Variants in CNTN4 observed in about 807,000 individuals in gnomAD.
CNTN4 encodes contactin 4, also known as contactin-4.
In CNTN4, 77 loss-of-function variants were observed where a neutral mutation model predicts 122.5. The observed-to-expected ratio is 0.63, with a 90% CI of 0.52 to 0.76. The LOEUF is 0.76. Ranked by LOEUF, CNTN4 falls within the 30% of genes least tolerant of loss-of-function variation. The pLI is 0.00. For synonymous variants in CNTN4, 512 were observed against 447.0 expected, an observed-to-expected ratio of 1.15 and a Z score of -1.83; for missense variants, 1,256 against 1,259.1, an observed-to-expected ratio of 1.00 and a Z score of 0.04.
chr3:2,247,217 A>T (rs1176356399), intron 2 of CNTN4, among the ~76,000 whole-genome samples: 1 of 152,080 alleles, frequency 6.6e-6, no homozygotes, highest in Non-Finnish European at 1.5e-5. Context: ...TGAGCATGCC[A>T]TCTTTACCAG....
chr3:2,926,464 C>T (rs528755671), intron 13 of CNTN4, among the ~76,000 whole-genome samples: 1 of 152,168 alleles, frequency 6.6e-6, no homozygotes, highest in African/African-American at 2.4e-5. Flanking sequence ...TCTCTAAGAC[C>T]TTTTCTTGGC....
chr3:2,884,962 G>T (rs2093954023), intron 9 of CNTN4, among the ~76,000 whole-genome samples: 1 of 152,084 alleles, frequency 6.6e-6, no homozygotes, highest in Non-Finnish European at 1.5e-5. Context: ...ATTTTTAAAG[G>T]CATATATTAA....
intron 3 of CNTN4, among the ~76,000 whole-genome samples, chr3:2,436,941 T>C (rs191697564): frequency 7.9e-5 from 12 of 151,974 alleles, no homozygotes; most frequent in Non-Finnish European, 1.5e-4. Flanking sequence ...CTTAGAACTA[T>C]ACTTTCCTTC....
rs529635016 is a variant in CNTN4, at chr3:2,762,937, C to CT, written c.358+17263dup. ...TTTTCTAATGATCAGTGATGTCAAGCTTTTTTTTTTTTTTTTTTTTTTTAG... is the reference window on the plus strand; with the variant it reads ...TTTTCTAATGATCAGTGATGTCAAGCTTTTTTTTTTTTTTTTTTTTTTTTAG... On this transcript the variant is annotated intron_variant, in intron 6 of 24. Coordinates refer to ENST00000418658, the MANE Select transcript of CNTN4 (RefSeq NM_175607.3). 5.1e-3 allele frequency among the ~76,000 whole-genome samples: 496 copies of CT among 96,446 alleles called. 13 individuals are homozygous for CT. The highest frequency in any genetic ancestry group is 8.5e-3 in the African/African-American group (218 of 25,708). The allele number at this position is 96,446 out of a possible 152,430, so 63.3% of individuals were successfully genotyped here.
chr3:2,545,381 G>A (rs2078201928), intron 3 of CNTN4, among the ~76,000 whole-genome samples: 1 of 151,914 alleles, frequency 6.6e-6, no homozygotes, highest in Admixed American at 6.6e-5. Flanking sequence ...GGGTCCATTT[G>A]GTCAAGTGTT....
chr3:2,548,265 A>G lies in CNTN4; in HGVS notation c.-88-23151A>G, dbSNP rs187809436. 8.0e-4 allele frequency among the ~76,000 whole-genome samples: 122 copies of G among 152,276 alleles called. 1 individual carries two copies. Among genetic ancestry groups the G allele is most frequent in the Middle Eastern group, 3.4e-3 (1 of 294 alleles). On this transcript the variant is annotated intron_variant, in intron 3 of 24. Transcript: ENST00000418658. ...GTGTTTGCCCATGCCTATCTCCTCA[A>G]TGGTATTGCCTAGGTTTTCTTCTAG...
At chr3:2,122,694 A>C (rs1028445111) in intron 2 of CNTN4, among the ~76,000 whole-genome samples, 5 of 152,242 alleles carry the variant, frequency 3.3e-5, no homozygotes, top group Non-Finnish European at 2.9e-5. Context: ...ATTGCCCTGC[A>C]AAGAAATTAT....
chr3:2,510,313 T>G (rs890727605), intron 3 of CNTN4, among the ~76,000 whole-genome samples: 1 of 152,086 alleles, frequency 6.6e-6, no homozygotes, highest in African/African-American at 2.4e-5. Flanking sequence ...GCAAAGCCCT[T>G]ATTGTACAGA....
chr3:2,659,264 C>T (rs532337137), intron 4 of CNTN4, among the ~76,000 whole-genome samples: 4 of 151,916 alleles, frequency 2.6e-5, no homozygotes, highest in Non-Finnish European at 5.9e-5. Flanking sequence ...GAGTTGGAGA[C>T]CAGCCTGGCC....
chr3:2,488,458 G>C (rs7636944), intron 3 of CNTN4, among the ~76,000 whole-genome samples: 49,117 of 152,008 alleles, frequency 0.32, 8,355 homozygotes, highest in East Asian at 0.58. Flanking sequence ...GTGTTGGGGG[G>C]TGTGTGTGCC....
chr3:2,755,411 A>G (rs1007841179), intron 6 of CNTN4, among the ~76,000 whole-genome samples: 10 of 152,222 alleles, frequency 6.6e-5, no homozygotes, highest in Admixed American at 1.3e-4. Context: ...ATATTTTTCA[A>G]TGGAAGGCTT....
chr3:2,571,666 A>G (rs2079425243), intron 4 of CNTN4, 108 bp downstream of exon 4: 5 of 801,496 alleles, frequency 6.2e-6, no homozygotes, highest in Non-Finnish European at 1.1e-5. Context: ...GCAAGAGTAT[A>G]TGCTGCTATG....
At chr3:2,556,860 G>C (rs1023265535) in intron 3 of CNTN4, among the ~76,000 whole-genome samples, 2 of 152,108 alleles carry the variant, frequency 1.3e-5, no homozygotes, top group South Asian at 4.1e-4. Context: ...TGTTGGTGGA[G>C]AGTCAGATGT....
intron 4 of CNTN4, among the ~76,000 whole-genome samples, chr3:2,604,995 G>A: frequency 6.6e-6 from 1 of 152,170 alleles, no homozygotes; most frequent in Middle Eastern, 3.4e-3. Flanking sequence ...TTGCATAACT[G>A]TTCTGCTAGG....
At chr3:3,054,060 A>C in intron 24 of CNTN4, 85 bp downstream of exon 24, 1 of 1,358,866 alleles carries the variant, frequency 7.4e-7, no homozygotes, top group East Asian at 2.4e-5. Flanking sequence ...AAAGACATTC[A>C]GCCTGCAAAA....
chr3:2,434,625 G>A (rs1203735401), intron 3 of CNTN4, among the ~76,000 whole-genome samples: 5 of 152,094 alleles, frequency 3.3e-5, no homozygotes, highest in Non-Finnish European at 5.9e-5. Context: ...TGAATCTTAG[G>A]TGTGGAAGAC....
At chr3:2,982,529 C>T (rs1694127941) in intron 13 of CNTN4, among the ~76,000 whole-genome samples, 1 of 152,144 alleles carries the variant, frequency 6.6e-6, no homozygotes, top group African/African-American at 2.4e-5. Context: ...TGGATGGCTT[C>T]CTTAAGGCAT....
intron 2 of CNTN4, among the ~76,000 whole-genome samples, chr3:2,247,135 T>A (rs929084601): frequency 6.6e-6 from 1 of 152,020 alleles, no homozygotes; most frequent in Non-Finnish European, 1.5e-5. Context: ...CATGGATGCC[T>A]TTCTAGGTGG....
chr3:2,969,249 C>T (rs1692636314), intron 13 of CNTN4, among the ~76,000 whole-genome samples: 1 of 152,142 alleles, frequency 6.6e-6, no homozygotes, highest in Non-Finnish European at 1.5e-5. Context: ...GGATTATCTA[C>T]CACCTTAGTA....
Sources: allele counts gnomAD v4.1 joint callset (sites outside exome capture counted in the v4.1 genomes callset), GRCh38; gene constraint gnomAD v4.1.1; transcripts MANE v1.5; gene names NCBI Gene and HGNC (gene_info 2026-07-23, HGNC 2026-07-21).